The following PTPRB variants were observed in gnomAD, a reference collection of about 807,000 sequenced individuals.
The protein encoded by PTPRB is receptor-type tyrosine-protein phosphatase beta.
Under a neutral mutation model 238.1 loss-of-function variants are expected in PTPRB, and 97 were observed. That is an observed-to-expected ratio of 0.41 (90% confidence interval 0.35 to 0.48). The LOEUF is 0.48. Ranked by LOEUF, PTPRB falls within the 20% of genes least tolerant of loss-of-function variation. The probability of loss-of-function intolerance (pLI) is 0.30; values close to 1 mark genes in which losing one functional copy is unlikely to be tolerated. For missense variants in PTPRB, 2,292 were observed against 2,681.9 expected (o/e 0.85, Z 3.21); for synonymous variants, 970 against 995.4 (o/e 0.97, Z 0.48).
chr12:70,567,676 T>A (rs1382610700), intron 14 of PTPRB, among the ~76,000 whole-genome samples: 2 of 152,138 alleles, frequency 1.3e-5, no homozygotes, highest in African/African-American at 4.8e-5. Flanking sequence ...TGTCCTTACC[T>A]CCTACTCTTT....
intron 18 of PTPRB, among the ~76,000 whole-genome samples, chr12:70,557,199 C>T (rs991780974): frequency 9.9e-5 from 15 of 152,014 alleles, no homozygotes; most frequent in Admixed American, 1.3e-4. Context: ...GAGGAGGTGC[C>T]GGAGTGGGAT....
intron 2 of PTPRB, among the ~76,000 whole-genome samples, chr12:70,628,476 AT>A (rs1173420581): frequency 1.3e-5 from 2 of 152,118 alleles, no homozygotes; most frequent in African/African-American, 4.8e-5. Context: ...CTATCGGCCC[AT>A]GGATTTGCGT....
chr12:70,559,251 A>G (rs1878136313), intron 18 of PTPRB, 92 bp downstream of exon 18: 2 of 1,347,360 alleles, frequency 1.5e-6, no homozygotes, highest in Non-Finnish European at 2.1e-6. Context: ...ATGTAAAAAT[A>G]TGGATTTAAT....
At chr12:70,619,449 A>C (rs535670649) in intron 3 of PTPRB, among the ~76,000 whole-genome samples, 15 of 152,234 alleles carry the variant, frequency 9.9e-5, no homozygotes, top group African/African-American at 3.6e-4. Context: ...ATCTATTTCT[A>C]CACTCCCTGA....
intron 4 of PTPRB, among the ~76,000 whole-genome samples, chr12:70,605,092 A>G (rs1218237269): frequency 6.6e-6 from 1 of 152,218 alleles, no homozygotes; most frequent in African/African-American, 2.4e-5. Context: ...TAAAATAATT[A>G]AAATCATTTG....
At position 70,518,630 on chromosome 12, in the gene PTPRB, T is replaced by C. The variant is rs1871373009; in HGVS notation, c.*2859A>G. On this transcript the variant is annotated 3_prime_UTR_variant, in exon 34 of 34. Transcript: ENST00000334414. The stretch of plus-strand genomic sequence containing the variant: ...GAGGTTTAAGGGATAGAGAATTACT[T>C]AGGACAAATATGTGCAAGCCCAGGT... 1 of 152,094 alleles carries C rather than the reference T, an allele frequency of 6.6e-6. No individual in the cohort carries two copies. The highest frequency in any genetic ancestry group is 2.1e-4 in the South Asian group (1 of 4,820). 9.4% of individuals were successfully genotyped at this position (152,094 alleles called of 1,614,324 possible).
At position 70,585,972 on chromosome 12, in the gene PTPRB, G is replaced by A. The variant is rs60243196; in HGVS notation, c.2311+1035C>T. ...TCATTCACGTCCCTACCAAGGACAC[G>A]AACTCATCCTTTTTTATGGCTGCAT... On this transcript the variant is annotated intron_variant, in intron 9 of 33. Transcript: ENST00000334414. 6.6e-3 allele frequency among the ~76,000 whole-genome samples: 1,007 copies of A among 152,238 alleles called. 14 individuals carry two copies. The highest frequency in any genetic ancestry group is 0.023 in the African/African-American group (958 of 41,528).
rs773177300 is a variant in PTPRB at position 70,539,897 on chromosome 12, C to T, written c.5678+42G>A. The T allele has an allele frequency of 2.5e-6, 4 of 1,580,816 alleles. No individual in the cohort carries two copies. The Admixed American group carries it at 6.7e-5, about 26-fold the overall frequency. The stretch of plus-strand genomic sequence containing the variant: ...CTTTGTTAGCAAATTTCACATAATA[C>T]CATCTTTCAACAAATTATACGAAGG... On this transcript the variant is annotated intron_variant, in intron 24 of 33. Coordinates refer to ENST00000334414, the MANE Select transcript of PTPRB (RefSeq NM_001109754.4).
intron 2 of PTPRB, among the ~76,000 whole-genome samples, chr12:70,631,876 T>A (rs944341553): frequency 6.6e-6 from 1 of 152,160 alleles, no homozygotes; most frequent in Non-Finnish European, 1.5e-5. Flanking sequence ...AAAACCACAA[T>A]GAGATACCAT....
At chr12:70,521,805 G>A (rs1871686945) in intron 33 of PTPRB, among the ~76,000 whole-genome samples, 1 of 152,144 alleles carries the variant, frequency 6.6e-6, no homozygotes. Context: ...TAGTTAGTTC[G>A]AGAGTTCGGA....
At chr12:70,631,903 TG>T (rs1334429648) in intron 2 of PTPRB, among the ~76,000 whole-genome samples, 7 of 152,282 alleles carry the variant, frequency 4.6e-5, no homozygotes, top group African/African-American at 1.7e-4. Flanking sequence ...CCAGTTAGAA[TG>T]GCAATCATTA....
At chr12:70,619,619 G>C (rs915166399) in intron 3 of PTPRB, among the ~76,000 whole-genome samples, 1 of 152,116 alleles carries the variant, frequency 6.6e-6, no homozygotes, top group Non-Finnish European at 1.5e-5. Context: ...GTAGCCTACT[G>C]GCAGATAAGA....
At chr12:70,603,143 G>C (rs1386933618) in intron 4 of PTPRB, among the ~76,000 whole-genome samples, 1 of 151,970 alleles carries the variant, frequency 6.6e-6, no homozygotes, top group Non-Finnish European at 1.5e-5. Context: ...CAGACTAATA[G>C]AGAAATATTT....
Position 70,592,347 on chromosome 12 carries a change from T to C in PTPRB, c.1715A>G (p.Tyr572Cys). 1 of 1,614,016 alleles carries C rather than the reference T, an allele frequency of 6.2e-7. No homozygotes were observed. The highest frequency in any genetic ancestry group is 8.5e-7 in the Non-Finnish European group (1 of 1,179,888). ...AGAGACACAGCTGACAGTAACTTGA[T>C]AAAGTCGACCGGGGACTAACTCTTT... ...HFKELVPGRL[Y>C]QVTVSCVSGE... The change falls in exon 7 of 34, where the codon TAT (tyrosine) becomes TGT (cysteine). Residue 572 changes from tyrosine (Y) to cysteine (C), a missense_variant. Around this residue, in one of 4 missense-constraint regions of PTPRB, gnomAD observed 1,205 missense variants for 1,287.8 expected, o/e 0.94. Transcript: ENST00000334414.
chr12:70,559,585 G>C lies in PTPRB; in HGVS notation c.4472C>G (p.Ala1491Gly), dbSNP rs1436057125. Residue 1491 changes from alanine (A) to glycine (G), a missense_variant, in exon 18 of 34, where the codon GCA becomes GGA. This residue lies in a region of PTPRB where 683 missense variants were observed against 862.0 expected (regional missense o/e 0.79). Transcript: ENST00000334414. Reference sequence around the variant, plus strand: ...CCACGTGATGGCCAAGGATGTGTTTGCAATGTCAGCAAATGACATAAGACT... The same window carrying C: ...CCACGTGATGGCCAAGGATGTGTTTCCAATGTCAGCAAATGACATAAGACT... The part of the protein sequence containing the change: ...PPSLMSFADI[A>G]NTSLAITWKG... The C allele has an allele frequency of 6.2e-7, 1 of 1,612,866 alleles. No homozygotes were observed. Among genetic ancestry groups the C allele is most frequent in the Non-Finnish European group, 8.5e-7 (1 of 1,178,868 alleles).
chr12:70,554,144 A>G (rs1244674060), intron 20 of PTPRB, among the ~76,000 whole-genome samples: 1 of 152,250 alleles, frequency 6.6e-6, no homozygotes, highest in East Asian at 1.9e-4. Context: ...TTAATTGTGC[A>G]TAACCAGATT....
intron 3 of PTPRB, among the ~76,000 whole-genome samples, chr12:70,610,532 T>C (rs1884384634): frequency 6.6e-6 from 1 of 152,060 alleles, no homozygotes; most frequent in South Asian, 2.1e-4. Context: ...CCTGCACTCT[T>C]TCCTGAAGTC....
Position 70,581,120 on chromosome 12 carries a change from T to A in PTPRB, c.2494A>T (p.Lys832Ter). ...ETSRYSFHSL[K>*]SGSLYSVVVT... ...ACCACGGAGTACAGGCTGCCGGACT[T>A]GAGAGAGTGGAAGCTGTATCTGCTG... is the stretch of plus-strand genomic sequence containing the variant. The change falls in exon 10 of 34, where the codon AAG (lysine) becomes TAG (stop). Residue 832 changes from lysine (K) to a stop codon, truncating the protein, a stop_gained. Transcript: ENST00000334414. LOFTEE classifies it high-confidence loss of function. The A allele has an allele frequency of 6.2e-7, 1 of 1,613,756 alleles. No individual in the cohort carries two copies. Among genetic ancestry groups the A allele is most frequent in the Non-Finnish European group, 8.5e-7 (1 of 1,179,668 alleles).
intron 33 of PTPRB, among the ~76,000 whole-genome samples, chr12:70,523,896 A>G (rs566310744): frequency 6.7e-6 from 1 of 150,064 alleles, no homozygotes; most frequent in African/African-American, 2.5e-5. Context: ...GCCCACTGCA[A>G]CTTCTACCTC....
Sources: allele counts gnomAD v4.1 joint callset (sites outside exome capture counted in the v4.1 genomes callset), GRCh38; gene constraint gnomAD v4.1.1; regional missense constraint gnomAD v4.1.1; transcripts MANE v1.5; gene names NCBI Gene and HGNC (gene_info 2026-07-23, HGNC 2026-07-21).